KCNMA1: variants seen among roughly 807,000 people sequenced by gnomAD.
KCNMA1 encodes Calcium-activated potassium channel subunit alpha-1.
In KCNMA1, 29 loss-of-function variants were observed where a neutral mutation model predicts 140.0. The ratio of observed to expected loss-of-function variants is 0.21; its 90% confidence interval spans 0.15 to 0.28. The LOEUF (loss-of-function observed/expected upper bound fraction) is 0.28. KCNMA1 is among the 10% of genes least tolerant of loss of function. The pLI, the probability that KCNMA1 is intolerant of heterozygous loss-of-function variation, is 1.00. For synonymous variants in KCNMA1, 612 were observed against 611.9 expected, an observed-to-expected ratio of 1.00 and a Z score of 0.00; for missense variants, 880 against 1,602.2, an observed-to-expected ratio of 0.55 and a Z score of 7.70.
At chr10:77,038,001 A>T (rs2094443948) in intron 15 of KCNMA1, among the ~76,000 whole-genome samples, 1 of 151,834 alleles carries the variant, frequency 6.6e-6, no homozygotes, top group African/African-American at 2.4e-5. Flanking sequence ...TCAGAAAATA[A>T]CTCCTTCCGA....
intron 9 of KCNMA1, among the ~76,000 whole-genome samples, chr10:77,098,029 A>G (rs1453337506): frequency 6.6e-6 from 1 of 152,246 alleles, no homozygotes; most frequent in East Asian, 1.9e-4. Flanking sequence ...AAAACTTTGC[A>G]TCTTATCGCA....
intron 1 of KCNMA1, among the ~76,000 whole-genome samples, chr10:77,609,227 T>G (rs78541543): frequency 0.012 from 1,811 of 152,292 alleles, 18 homozygotes; most frequent in Middle Eastern, 0.041. Context: ...GATAAAGAAA[T>G]TGTGGTACAT....
chr10:76,984,510 G>A (rs1403092289), intron 19 of KCNMA1, among the ~76,000 whole-genome samples: 1 of 152,098 alleles, frequency 6.6e-6, no homozygotes, highest in African/African-American at 2.4e-5. Flanking sequence ...AGTAACTCTT[G>A]ATGAAAGAAC....
chr10:77,336,069 A>T (rs1284444309), intron 2 of KCNMA1, among the ~76,000 whole-genome samples: 2 of 152,218 alleles, frequency 1.3e-5, no homozygotes, highest in Non-Finnish European at 2.9e-5. Context: ...TTGGGAAAAA[A>T]ATAGTAATGG....
chr10:76,921,111 T>C (rs1024059564), intron 23 of KCNMA1, among the ~76,000 whole-genome samples: 4 of 152,138 alleles, frequency 2.6e-5, no homozygotes, highest in Admixed American at 6.5e-5. Context: ...CCCACCCCGA[T>C]AGACTTAACA....
intron 1 of KCNMA1, among the ~76,000 whole-genome samples, chr10:77,522,185 A>C (rs1027173199): frequency 6.6e-6 from 1 of 151,022 alleles, no homozygotes; most frequent in Non-Finnish European, 1.5e-5. Flanking sequence ...CTCAAAATAA[A>C]TAAATAAATA....
intron 2 of KCNMA1, among the ~76,000 whole-genome samples, chr10:77,274,920 C>A (rs1177887402): frequency 6.6e-6 from 1 of 152,186 alleles, no homozygotes; most frequent in Admixed American, 6.5e-5. Context: ...GTGATGAAGA[C>A]CGAGATGGGG....
At chr10:77,410,529 G>C (rs943295385) in intron 1 of KCNMA1, among the ~76,000 whole-genome samples, 6 of 152,244 alleles carry the variant, frequency 3.9e-5, no homozygotes, top group African/African-American at 1.2e-4. Flanking sequence ...CTGGGAAGTT[G>C]TTTAGGCAAA....
intron 3 of KCNMA1, among the ~76,000 whole-genome samples, chr10:77,189,812 T>G (rs1412068049): frequency 6.6e-6 from 1 of 152,102 alleles, no homozygotes; most frequent in Non-Finnish European, 1.5e-5. Flanking sequence ...GTCAATGCAA[T>G]AAGCCTAATG....
chr10:77,567,538 C>A (rs1362248769), intron 1 of KCNMA1, among the ~76,000 whole-genome samples: 2 of 152,222 alleles, frequency 1.3e-5, no homozygotes, highest in Admixed American at 6.5e-5. Context: ...ACTATGGACC[C>A]TTCCTAAGGG....
At chr10:77,110,892 T>C (rs888727608) in intron 7 of KCNMA1, among the ~76,000 whole-genome samples, 7 of 152,200 alleles carry the variant, frequency 4.6e-5, no homozygotes, top group African/African-American at 1.7e-4. Context: ...GGCCCTGCTC[T>C]CCCTCCTTTG....
chr10:77,510,489 TCAAA>T (rs1382031342), intron 1 of KCNMA1, among the ~76,000 whole-genome samples: 1 of 152,134 alleles, frequency 6.6e-6, no homozygotes, highest in African/African-American at 2.4e-5. Flanking sequence ...TCTCTTCTCC[TCAAA>T]CAAAGGATCT....
intron 3 of KCNMA1, among the ~76,000 whole-genome samples, chr10:77,237,616 A>G (rs935270116): frequency 6.6e-6 from 1 of 151,994 alleles, no homozygotes; most frequent in Admixed American, 6.5e-5. Context: ...TACCACCATG[A>G]CCAGCTAATC....
chr10:77,393,376 C>T (rs192498129), intron 2 of KCNMA1, among the ~76,000 whole-genome samples: 3 of 152,348 alleles, frequency 2.0e-5, no homozygotes, highest in Admixed American at 2.0e-4. Flanking sequence ...TGACCGGGCT[C>T]ACACACACAA....
chr10:77,424,908 T>C (rs1031124266), intron 1 of KCNMA1, among the ~76,000 whole-genome samples: 1 of 152,264 alleles, frequency 6.6e-6, no homozygotes, highest in African/African-American at 2.4e-5. Flanking sequence ...TTTGCTGATT[T>C]ATTTGTTCAA....
intron 5 of KCNMA1, among the ~76,000 whole-genome samples, chr10:77,157,624 G>A (rs947807452): frequency 2.6e-5 from 4 of 152,136 alleles, no homozygotes; most frequent in Admixed American, 1.3e-4. Context: ...TCCTCTTCAC[G>A]CTGGAGCAAA....
At chr10:77,548,246 G>A (rs757408253) in intron 1 of KCNMA1, among the ~76,000 whole-genome samples, 4 of 152,152 alleles carry the variant, frequency 2.6e-5, no homozygotes, top group Non-Finnish European at 5.9e-5. Context: ...TTACAGAAAG[G>A]CAATCTGTGC....
rs568179522 is a variant in KCNMA1 at position 77,376,052 on chromosome 10, C to T, written c.540+27810G>A. Among the ~76,000 whole-genome samples, 32 of 152,346 alleles carry T rather than the reference C, an allele frequency of 2.1e-4. No homozygotes were observed. The South Asian group carries it at 6.6e-3, about 32-fold the overall frequency. On this transcript the variant is annotated intron_variant, in intron 2 of 27. Coordinates refer to ENST00000286628, the MANE Select transcript of KCNMA1 (RefSeq NM_001161352.2). ...TTTGTTGATGAGTAAATGTCTGAAACAAGATCCCCAATCTTCTAAATCCAG... is the reference window on the plus strand; with the variant it reads ...TTTGTTGATGAGTAAATGTCTGAAATAAGATCCCCAATCTTCTAAATCCAG...
chr10:77,061,148 T>G (rs2095733504), intron 14 of KCNMA1, among the ~76,000 whole-genome samples: 1 of 152,174 alleles, frequency 6.6e-6, no homozygotes, highest in African/African-American at 2.4e-5. Context: ...ATATGGTAAC[T>G]CAATGTTTAA....
Sources: gnomAD v4.1 joint callset for allele counts (sites outside exome capture counted in the v4.1 genomes callset) on GRCh38, gnomAD v4.1.1 for gene constraint, MANE v1.5 for transcripts, NCBI Gene and HGNC (gene_info 2026-07-23, HGNC 2026-07-21) for gene names.